The following DLGAP4 variants were observed in gnomAD, a reference collection of about 807,000 sequenced individuals.
DLGAP4 encodes disks large-associated protein 4.
Under a neutral mutation model 86.9 loss-of-function variants are expected in DLGAP4, and 18 were observed. The ratio of observed to expected loss-of-function variants is 0.21; its 90% CI spans 0.14 to 0.31. The LOEUF (loss-of-function observed/expected upper bound fraction) is 0.31. Ranked by LOEUF, DLGAP4 falls within the 10% of genes least tolerant of loss-of-function variation. The pLI, the probability that DLGAP4 is intolerant of heterozygous loss-of-function variation, is 1.00. For missense variants in DLGAP4, 1,085 were observed against 1,362.6 expected, an observed-to-expected ratio of 0.80 and a Z score of 3.21; for synonymous variants, 548 against 574.3, an observed-to-expected ratio of 0.95 and a Z score of 0.65.
chr20:36,526,143 C>A, intron 12 of DLGAP4, 137 bp downstream of exon 12: 1 of 1,284,020 alleles, frequency 7.8e-7, no homozygotes, highest in Non-Finnish European at 1.1e-6. Context: ...TCCATCACTG[C>A]GTGGGGTCCA....
Position 36,348,850 on chromosome 20 carries a change from C to T in DLGAP4, c.-303-18195C>T, listed in dbSNP as rs560593273. Among the ~76,000 whole-genome samples the T allele has an allele frequency of 2.6e-3, 392 of 151,452 alleles. 3 individuals are homozygous for T. The highest frequency in any genetic ancestry group is 9.1e-3 in the African/African-American group (375 of 41,276). The stretch of plus-strand genomic sequence containing the variant: ...GCGTGGTGGCTTATGCCTGTAATCC[C>T]AGAACTTTGGGAGGCCGATGTGGGT... On this transcript the variant is annotated intron_variant, in intron 1 of 12. Transcript: ENST00000339266.
rs1199903718 is a variant in DLGAP4 at position 36,500,880 on chromosome 20, C to T, written c.2512+269C>T. Among the ~76,000 whole-genome samples, 1 of 152,040 alleles carries T rather than the reference C, an allele frequency of 6.6e-6. No individual in the cohort carries two copies. The highest frequency in any genetic ancestry group is 2.4e-5 in the African/African-American group (1 of 41,360). On this transcript the variant is annotated intron_variant, in intron 10 of 12. Coordinates refer to ENST00000339266, the MANE Select transcript of DLGAP4 (RefSeq NM_001365621.2). The surrounding 1 kb of genome is among the most constrained non-coding windows in gnomAD (Gnocchi z 4.6). Reference sequence around the variant, plus strand: ...ACCTGGGTTTGAATCCCAGCTCCTCCCTTACTAGTGAAGTAACCTTGGTCA... The same window carrying T: ...ACCTGGGTTTGAATCCCAGCTCCTCTCTTACTAGTGAAGTAACCTTGGTCA...
At chr20:36,507,426 C>A (rs2036441299) in intron 10 of DLGAP4, among the ~76,000 whole-genome samples, 1 of 152,080 alleles carries the variant, frequency 6.6e-6, no homozygotes, top group Non-Finnish European at 1.5e-5. Context: ...CAGGGTTTCA[C>A]CATGTTGGCC....
Position 36,436,109 on chromosome 20 carries a change from G to A in DLGAP4, c.1000G>A (p.Val334Met). ...ACTGAGTCCTGTGCCCCATCCCCAG[G>A]TGCCCGGCGGCGGCGGCGAGTGGAG... ...HQGLAYHYLQ[V>M]PGGGGEWSTT... Residue 334 changes from valine to methionine, a missense_variant and splice_region_variant, in exon 4 of 13, where the codon GTG becomes ATG. Transcript: ENST00000339266. The A allele has an allele frequency of 6.4e-7, 1 of 1,567,628 alleles. No homozygotes were observed. The highest frequency in any genetic ancestry group is 8.6e-7 in the Non-Finnish European group (1 of 1,164,250).
chr20:36,517,294 C>T (rs1018147055), intron 10 of DLGAP4, among the ~76,000 whole-genome samples: 1 of 152,120 alleles, frequency 6.6e-6, no homozygotes, highest in African/African-American at 2.4e-5. Context: ...ATGAGAATTG[C>T]ATGAACCTGG....
chr20:36,357,016 C>T (rs6028905), intron 1 of DLGAP4, among the ~76,000 whole-genome samples: 5,206 of 152,166 alleles, frequency 0.034, 280 homozygotes, highest in African/African-American at 0.12. Context: ...GCCTGGATCT[C>T]GCCACCCACC....
chr20:36,497,500 G>T (rs942399166), intron 8 of DLGAP4: 24 of 1,006,238 alleles, frequency 2.4e-5, no homozygotes, highest in Non-Finnish European at 2.8e-5. Flanking sequence ...GCAGCATGGA[G>T]CATAGACGCT....
chr20:36,319,623 G>A (rs1555890314), intron 1 of DLGAP4, among the ~76,000 whole-genome samples: 1 of 152,220 alleles, frequency 6.6e-6, no homozygotes, highest in Non-Finnish European at 1.5e-5. Flanking sequence ...TCTCACAGAG[G>A]TGGGAAACCG....
chr20:36,433,435 C>T (rs1484483879), intron 3 of DLGAP4, among the ~76,000 whole-genome samples: 1 of 152,212 alleles, frequency 6.6e-6, no homozygotes, highest in South Asian at 2.1e-4. Flanking sequence ...AAGGCTGAGA[C>T]ATCACCGTGG....
intron 7 of DLGAP4, among the ~76,000 whole-genome samples, chr20:36,448,178 C>T (rs1169092269): frequency 3.3e-5 from 5 of 151,896 alleles, no homozygotes; most frequent in African/African-American, 7.3e-5. Flanking sequence ...ATGATGAAAC[C>T]CGGACTCTAA....
At chr20:36,321,601 C>T (rs914993838) in intron 1 of DLGAP4, among the ~76,000 whole-genome samples, 4 of 152,254 alleles carry the variant, frequency 2.6e-5, no homozygotes, top group Non-Finnish European at 4.4e-5. Context: ...GTTTCATCTG[C>T]GCCCGAGTCT....
rs73293656 is a variant in DLGAP4, at chr20:36,324,829, T to C, written c.-304+18317T>C. 1.9e-3 allele frequency among the ~76,000 whole-genome samples: 285 copies of C among 152,338 alleles called. 1 individual carries two copies. The highest frequency in any genetic ancestry group is 6.5e-3 in the African/African-American group (271 of 41,570). On this transcript the variant is annotated intron_variant, in intron 1 of 12. Coordinates refer to ENST00000339266, the MANE Select transcript of DLGAP4 (RefSeq NM_001365621.2). The stretch of plus-strand genomic sequence containing the variant: ...CCTGATATTTGTAATATGTGTCTGA[T>C]CTTTCTTTCTCATTTTTAATTTTTG...
chr20:36,345,559 C>A (rs1449499052), intron 1 of DLGAP4, among the ~76,000 whole-genome samples: 1 of 152,138 alleles, frequency 6.6e-6, no homozygotes, highest in Non-Finnish European at 1.5e-5. Context: ...GCATCCCAGG[C>A]TTGTTTTGAA....
At chr20:36,328,949 T>C (rs2065242198) in intron 1 of DLGAP4, among the ~76,000 whole-genome samples, 1 of 152,166 alleles carries the variant, frequency 6.6e-6, no homozygotes, top group Non-Finnish European at 1.5e-5. Flanking sequence ...CTAATTTATA[T>C]ATTTTTAGTA....
chr20:36,418,509 A>G (rs2032729244), intron 2 of DLGAP4, among the ~76,000 whole-genome samples: 1 of 152,126 alleles, frequency 6.6e-6, no homozygotes, highest in Non-Finnish European at 1.5e-5. Flanking sequence ...GTGTTTTCTT[A>G]TCTTTTCAGT....
intron 8 of DLGAP4, chr20:36,497,318 G>A: frequency 7.4e-7 from 1 of 1,360,074 alleles, no homozygotes; most frequent in Non-Finnish European, 9.5e-7. Context: ...CCCAGTGAAT[G>A]TAGTTACACT....
At chr20:36,446,105 G>C (rs1176119431) in intron 6 of DLGAP4, among the ~76,000 whole-genome samples, 1 of 152,076 alleles carries the variant, frequency 6.6e-6, no homozygotes, top group Non-Finnish European at 1.5e-5. Context: ...TTTTGCTTCA[G>C]CTTCGTCTCT....
At chr20:36,520,839 T>TATTG (rs2037335458) in intron 10 of DLGAP4, among the ~76,000 whole-genome samples, 1 of 150,458 alleles carries the variant, frequency 6.6e-6, no homozygotes, top group African/African-American at 2.4e-5. Context: ...CATCTGAGAG[T>TATTG]TTTGTTTGTT....
intron 2 of DLGAP4, among the ~76,000 whole-genome samples, chr20:36,411,783 A>G (rs1196893822): frequency 6.6e-6 from 1 of 152,156 alleles, no homozygotes; most frequent in African/African-American, 2.4e-5. Flanking sequence ...CCACATGGAC[A>G]ATCTGCTGTC....
Sources: gnomAD v4.1 joint callset for allele counts (sites outside exome capture counted in the v4.1 genomes callset) on GRCh38, gnomAD v4.1.1 for gene constraint, Gnocchi (gnomAD v3.1) non-coding constraint, MANE v1.5 for transcripts, NCBI Gene and HGNC (gene_info 2026-07-23, HGNC 2026-07-21) for gene names.